Variants in PDE4D observed in about 807,000 individuals in gnomAD.
PDE4D encodes phosphodiesterase 4D, also known as 3',5'-cyclic-AMP phosphodiesterase 4D.
In PDE4D, 24 loss-of-function variants were observed where a neutral mutation model predicts 87.4. That is an observed-to-expected ratio of 0.27 (90% CI 0.20 to 0.39). PDE4D has a LOEUF of 0.39. PDE4D is among the 10% of genes least tolerant of loss of function. PDE4D has a pLI of 1.00. For synonymous variants in PDE4D, 384 were observed against 383.2 expected (o/e 1.00, Z -0.02); for missense variants, 714 against 1,041.0 (o/e 0.69, Z 4.32).
intron 1 of PDE4D, among the ~76,000 whole-genome samples, chr5:59,888,322 A>G (rs551398794): frequency 1.3e-5 from 2 of 152,344 alleles, no homozygotes; most frequent in African/African-American, 4.8e-5. Flanking sequence ...CAGAAGGTAC[A>G]TCATTTTAGA....
chr5:59,384,961 A>G (rs1786679106), intron 1 of PDE4D, among the ~76,000 whole-genome samples: 1 of 152,160 alleles, frequency 6.6e-6, no homozygotes, highest in African/African-American at 2.4e-5. Context: ...TATGTAATAT[A>G]TACATATTTG....
intron 1 of PDE4D, among the ~76,000 whole-genome samples, chr5:60,400,796 G>C (rs1741014731): frequency 6.6e-6 from 1 of 152,048 alleles, no homozygotes; most frequent in South Asian, 2.1e-4. Context: ...GCCGGGCGTG[G>C]TGGCAGGCAC....
chr5:60,111,812 C>T (rs1376922327), intron 2 of PDE4D, among the ~76,000 whole-genome samples: 1 of 151,654 alleles, frequency 6.6e-6, no homozygotes, highest in Non-Finnish European at 1.5e-5. Flanking sequence ...CAATAAAAAC[C>T]TAAAGTTAAT....
chr5:59,557,062 C>A (rs564425076), intron 1 of PDE4D, among the ~76,000 whole-genome samples: 10 of 152,040 alleles, frequency 6.6e-5, no homozygotes, highest in Non-Finnish European at 1.5e-4. Context: ...AAAAGGAATA[C>A]GAGTAAAATG....
At chr5:59,354,840 G>C (rs1781111971) in intron 1 of PDE4D, among the ~76,000 whole-genome samples, 1 of 152,204 alleles carries the variant, frequency 6.6e-6, no homozygotes, top group Non-Finnish European at 1.5e-5. Flanking sequence ...CATTTTTGCT[G>C]TATGTAAGGA....
intron 1 of PDE4D, among the ~76,000 whole-genome samples, chr5:60,253,716 A>G (rs1748735538): frequency 6.6e-6 from 1 of 151,954 alleles, no homozygotes; most frequent in African/African-American, 2.4e-5. Context: ...TGCTCACACA[A>G]TGCCACATAC....
chr5:59,337,492 G>A (rs1777915167), intron 1 of PDE4D, among the ~76,000 whole-genome samples: 1 of 152,082 alleles, frequency 6.6e-6, no homozygotes, highest in East Asian at 1.9e-4. Flanking sequence ...ATAAATAGGA[G>A]CAGTCAACAG....
Position 58,989,841 on chromosome 5 carries a change from G to A in PDE4D, c.1366C>T (p.His456Tyr). Residue 456 changes from histidine to tyrosine, a missense_variant, in exon 10 of 15, where the codon CAT becomes TAT. Coordinates refer to ENST00000340635, the MANE Select transcript of PDE4D (RefSeq NM_001104631.2). ...TYLMTLEDHY[H>Y]ADVAYHNNIH... The stretch of plus-strand genomic sequence containing the variant: ...TTGTTGTGATAGGCCACATCAGCAT[G>A]GTAATGGTCTTCGAGAGTCATAAGA... The A allele has an allele frequency of 6.3e-7, 1 of 1,594,510 alleles. No homozygotes were observed. Among genetic ancestry groups the A allele is most frequent in the Non-Finnish European group, 8.6e-7 (1 of 1,162,324 alleles).
intron 11 of PDE4D, among the ~76,000 whole-genome samples, chr5:58,982,737 T>G (rs1441722890): frequency 6.6e-6 from 1 of 152,154 alleles, no homozygotes. Flanking sequence ...AAGTCCATGT[T>G]TCTAAGCACA....
At chr5:59,539,076 A>C (rs867786731) in intron 1 of PDE4D, among the ~76,000 whole-genome samples, 2 of 152,168 alleles carry the variant, frequency 1.3e-5, no homozygotes, top group Admixed American at 6.5e-5. Flanking sequence ...GGAAGTGATT[A>C]TACTTCATTG....
intron 6 of PDE4D, among the ~76,000 whole-genome samples, chr5:59,001,626 C>G (rs1321778793): frequency 6.6e-6 from 1 of 152,184 alleles, no homozygotes; most frequent in Non-Finnish European, 1.5e-5. Flanking sequence ...ACTACTCTCC[C>G]TCAACTCCCA....
chr5:60,417,251 A>G (rs943341070), intron 1 of PDE4D, among the ~76,000 whole-genome samples: 1 of 152,236 alleles, frequency 6.6e-6, no homozygotes, highest in African/African-American at 2.4e-5. Flanking sequence ...AGATGAGTAC[A>G]ATTGTATCAC....
At chr5:59,393,787 A>G (rs371775) in intron 1 of PDE4D, among the ~76,000 whole-genome samples, 63,868 of 152,064 alleles carry the variant, frequency 0.42, 13,704 homozygotes, top group East Asian at 0.49. Context: ...GGCAGGTGCC[A>G]GGTACAGCAT....
intron 1 of PDE4D, chr5:59,275,417 A>T: frequency 6.3e-7 from 1 of 1,596,260 alleles, no homozygotes; most frequent in Non-Finnish European, 8.5e-7. Context: ...AAAAAAAATA[A>T]AAAGGAAAAT....
At position 59,679,185 on chromosome 5, in the gene PDE4D, T is replaced by C. The variant is rs114934956; in HGVS notation, c.455+213983A>G. On this transcript the variant is annotated intron_variant, in intron 1 of 14. Coordinates refer to ENST00000340635, the MANE Select transcript of PDE4D (RefSeq NM_001104631.2). The stretch of plus-strand genomic sequence containing the variant: ...AACTCAATCCTTATTTTTATAACTC[T>C]GCAATCAGGAAGGAACAATAAAATT... Among the ~76,000 whole-genome samples the C allele has an allele frequency of 8.8e-3, 1,335 of 152,332 alleles. 10 individuals carry two copies. Among genetic ancestry groups the C allele is most frequent in the Middle Eastern group, 0.02 (6 of 294 alleles).
At chr5:60,493,772 C>T (rs1164685904) in intron 1 of PDE4D, among the ~76,000 whole-genome samples, 2 of 152,120 alleles carry the variant, frequency 1.3e-5, no homozygotes, top group Non-Finnish European at 2.9e-5. Flanking sequence ...ACTGCACACC[C>T]TTCCCCAGCA....
chr5:59,280,189 G>A (rs1243767066), intron 1 of PDE4D, among the ~76,000 whole-genome samples: 1 of 152,022 alleles, frequency 6.6e-6, no homozygotes, highest in Non-Finnish European at 1.5e-5. Context: ...AGTAATGGTA[G>A]TTTCCTGTTA....
intron 1 of PDE4D, among the ~76,000 whole-genome samples, chr5:59,730,293 C>T (rs527300881): frequency 1.9e-4 from 29 of 152,194 alleles, no homozygotes; most frequent in Admixed American, 1.8e-3. Flanking sequence ...AGATACTAAA[C>T]TGGGGACAAC....
intron 1 of PDE4D, among the ~76,000 whole-genome samples, chr5:59,452,377 C>A (rs1157197537): frequency 1.3e-5 from 2 of 152,178 alleles, no homozygotes; most frequent in Non-Finnish European, 2.9e-5. Flanking sequence ...TTTAATAGAT[C>A]TGATTCATTG....
Sources: gnomAD v4.1 joint callset for allele counts (sites outside exome capture counted in the v4.1 genomes callset) on GRCh38, gnomAD v4.1.1 for gene constraint, MANE v1.5 for transcripts, NCBI Gene and HGNC (gene_info 2026-07-23, HGNC 2026-07-21) for gene names.